MTRES1: variants seen among roughly 807,000 people sequenced by gnomAD.
The protein encoded by MTRES1 is uncharacterized protein C6orf203.
A neutral mutation model predicts 17.4 loss-of-function variants in MTRES1; 11 were observed. That is an observed-to-expected ratio of 0.63 (90% confidence interval 0.40 to 1.05). MTRES1 has a LOEUF of 1.05. MTRES1 is among the 50% of genes least tolerant of loss of function. The pLI, the probability that MTRES1 is intolerant of heterozygous loss-of-function variation, is 0.00. For missense variants in MTRES1, 268 were observed against 276.2 expected, an observed-to-expected ratio of 0.97 and a Z score of 0.21; for synonymous variants, 94 against 99.6, an observed-to-expected ratio of 0.94 and a Z score of 0.34.
intron 3 of MTRES1, among the ~76,000 whole-genome samples, chr6:107,045,370 G>T (rs1554228266): frequency 6.6e-6 from 1 of 151,888 alleles, no homozygotes; most frequent in Non-Finnish European, 1.5e-5. Context: ...TGTAGTCCCA[G>T]CTACTTGGGA....
chr6:107,039,734 T>C lies in MTRES1; in HGVS notation c.-12-15T>C. 1 of 1,572,780 alleles carries C rather than the reference T, an allele frequency of 6.4e-7. No homozygotes were observed. The highest frequency in any genetic ancestry group is 1.2e-5 in the South Asian group (1 of 83,850). On this transcript the variant is annotated splice_polypyrimidine_tract_variant and intron_variant, in intron 1 of 3. Transcript: ENST00000311381. ...CTGCACTTGTGAGATAAAACTGATT[T>C]ATTATCTGTTTCAGATTATAAGCGC...
At chr6:107,050,267 A>G (rs1774549050) in intron 3 of MTRES1, among the ~76,000 whole-genome samples, 2 of 152,136 alleles carry the variant, frequency 1.3e-5, no homozygotes, top group African/African-American at 4.8e-5. Flanking sequence ...GTGGCATTCT[A>G]CCTTTGTGAG....
intron 2 of MTRES1, among the ~76,000 whole-genome samples, chr6:107,041,619 G>A (rs377718058): frequency 2.0e-4 from 31 of 152,100 alleles, no homozygotes; most frequent in African/African-American, 6.5e-4. Flanking sequence ...TCCGCCTCCC[G>A]GGTTCACGCC....
chr6:107,033,055 G>A lies in MTRES1; in HGVS notation c.-13+4784G>A, dbSNP rs140767639. On this transcript the variant is annotated intron_variant, in intron 1 of 3. Transcript: ENST00000311381. ...CTACCCAGGAACTTGGCATATGTGGGCGAACGAGTGATTGTAGGGGTGGCT... is the reference window on the plus strand; with the variant it reads ...CTACCCAGGAACTTGGCATATGTGGACGAACGAGTGATTGTAGGGGTGGCT... 2.4e-3 allele frequency among the ~76,000 whole-genome samples: 372 copies of A among 152,288 alleles called. No individual in the cohort carries two copies. In the Middle Eastern group the frequency reaches 0.041, roughly 17 times the overall value.
chr6:107,048,709 G>A (rs571927577), intron 3 of MTRES1, among the ~76,000 whole-genome samples: 1 of 149,474 alleles, frequency 6.7e-6, no homozygotes, highest in East Asian at 2.0e-4. Context: ...GAAACTGGGA[G>A]GTGGAGGTTG....
At chr6:107,031,450 C>CTT (rs1424194800) in intron 1 of MTRES1, among the ~76,000 whole-genome samples, 37 of 16,758 alleles carry the variant, frequency 2.2e-3, no homozygotes, top group African/African-American at 4.3e-3. Context: ...GGAGTCTTTT[C>CTT]TTTTTTTTTT....
rs191150994 is a variant in MTRES1, at chr6:107,030,918, A to C, written c.-13+2647A>C. Among the ~76,000 whole-genome samples, 14 of 152,312 alleles carry C rather than the reference A, an allele frequency of 9.2e-5. No individual in the cohort carries two copies. The East Asian group carries it at 2.7e-3, about 29-fold the overall frequency. Reference sequence around the variant, plus strand: ...AGAAAGTTCTGGAATGGGGATATAGATTAGGGTGTGGTTGGCATATAGGTG... The same window carrying C: ...AGAAAGTTCTGGAATGGGGATATAGCTTAGGGTGTGGTTGGCATATAGGTG... On this transcript the variant is annotated intron_variant, in intron 1 of 3. Coordinates refer to ENST00000311381, the MANE Select transcript of MTRES1 (RefSeq NM_016487.5).
chr6:107,048,220 T>A (rs1774455695), intron 3 of MTRES1, among the ~76,000 whole-genome samples: 1 of 151,940 alleles, frequency 6.6e-6, no homozygotes. Context: ...CTGCAACCTC[T>A]GCCTCCCAGG....
chr6:107,031,385 C>CAAAAAAAAA (rs782379041), intron 1 of MTRES1, among the ~76,000 whole-genome samples: 1 of 97,620 alleles, frequency 1.0e-5, no homozygotes, highest in East Asian at 3.2e-4. Context: ...GACCCTGTCT[C>CAAAAAAAAA]AAAAAAAAAA....
At chr6:107,046,204 CCTT>C (rs1305402406) in intron 3 of MTRES1, among the ~76,000 whole-genome samples, 10 of 152,186 alleles carry the variant, frequency 6.6e-5, no homozygotes, top group Non-Finnish European at 1.3e-4. Flanking sequence ...AGCCTGCCCT[CCTT>C]CTAAGCTGCA....
chr6:107,034,472 A>T (rs1036581154), intron 1 of MTRES1, among the ~76,000 whole-genome samples: 1 of 134,974 alleles, frequency 7.4e-6, no homozygotes, highest in Admixed American at 7.5e-5. Context: ...AAAAAAAAGG[A>T]AAATAGATGT....
intron 3 of MTRES1, among the ~76,000 whole-genome samples, chr6:107,046,169 T>G (rs1404577133): frequency 6.6e-6 from 1 of 152,154 alleles, no homozygotes; most frequent in African/African-American, 2.4e-5. Context: ...GCCCTTCTCA[T>G]CTCTGAATAG....
intron 3 of MTRES1, among the ~76,000 whole-genome samples, chr6:107,048,778 CAA>C (rs10599769): frequency 0.57 from 64,515 of 113,036 alleles, 18,684 homozygotes; most frequent in South Asian, 0.69. Context: ...GACTCCATGT[CAA>C]AAAAAAAAAA....
chr6:107,035,791 G>C (rs993757459), intron 1 of MTRES1, among the ~76,000 whole-genome samples: 1 of 151,952 alleles, frequency 6.6e-6, no homozygotes, highest in African/African-American at 2.4e-5. Context: ...TGAGATAACA[G>C]GCACCCACCA....
chr6:107,039,643 T>A, intron 1 of MTRES1, 106 bp from the exon 2 acceptor site: 1 of 1,211,654 alleles, frequency 8.3e-7, no homozygotes, highest in South Asian at 1.7e-5. Context: ...TAGGGGCGAA[T>A]ACGTATAGTA....
At chr6:107,033,095 G>A (rs1289605075) in intron 1 of MTRES1, among the ~76,000 whole-genome samples, 3 of 152,172 alleles carry the variant, frequency 2.0e-5, no homozygotes, top group Non-Finnish European at 4.4e-5. Flanking sequence ...TAATGGGCAG[G>A]ATGCTCATTT....
chr6:107,045,717 A>T (rs1410128790), intron 3 of MTRES1, among the ~76,000 whole-genome samples: 6 of 152,238 alleles, frequency 3.9e-5, no homozygotes, highest in Non-Finnish European at 5.9e-5. Flanking sequence ...CACAATAAAA[A>T]GTTATGACAG....
intron 1 of MTRES1, among the ~76,000 whole-genome samples, chr6:107,037,316 C>T (rs1425442845): frequency 1.7e-4 from 26 of 152,058 alleles, no homozygotes; most frequent in Admixed American, 1.7e-3. Flanking sequence ...GTGATCTGCC[C>T]GCCTCAGCCT....
chr6:107,046,603 G>A lies in MTRES1; in HGVS notation c.543+2271G>A, dbSNP rs570284778. On this transcript the variant is annotated intron_variant, in intron 3 of 3. Coordinates refer to ENST00000311381, the MANE Select transcript of MTRES1 (RefSeq NM_016487.5). ...TTGTGTCTGCTGAGGGACAGGGGCC[G>A]TGGAGGGGAATAAAGAATGCCTCGC... Among the ~76,000 whole-genome samples the A allele has an allele frequency of 5.5e-4, 84 of 152,298 alleles. 1 individual carries two copies. The highest frequency in any genetic ancestry group is 1.8e-3 in the African/African-American group (74 of 41,572).
Sources: gnomAD v4.1 joint callset for allele counts (sites outside exome capture counted in the v4.1 genomes callset) on GRCh38, gnomAD v4.1.1 for gene constraint, MANE v1.5 for transcripts, NCBI Gene and HGNC (gene_info 2026-07-23, HGNC 2026-07-21) for gene names.